Variants in RFFL observed in about 807,000 individuals in gnomAD.
RFFL encodes ring finger and FYVE like domain containing E3 ubiquitin protein ligase, also known as E3 ubiquitin-protein ligase rififylin.
In RFFL, 16 loss-of-function variants were observed where a neutral mutation model predicts 40.4. That is an observed-to-expected ratio of 0.40 (90% CI 0.27 to 0.60). RFFL has a LOEUF of 0.60. Among genes scored for constraint, RFFL ranks in the 20% least tolerant of loss-of-function variants. RFFL has a pLI of 0.47. For missense variants in RFFL, 367 were observed against 451.7 expected (o/e 0.81, Z 1.70); for synonymous variants, 154 against 167.9 (o/e 0.92, Z 0.64).
intron 1 of RFFL, among the ~76,000 whole-genome samples, chr17:35,059,731 T>G (rs9890959): frequency 0.025 from 3,826 of 152,284 alleles, 164 homozygotes; most frequent in African/African-American, 0.086. Flanking sequence ...TGAAGAATAA[T>G]TAATAAAAAT....
At chr17:35,053,457 A>T (rs1229245873) in intron 1 of RFFL, among the ~76,000 whole-genome samples, 1 of 152,204 alleles carries the variant, frequency 6.6e-6, no homozygotes, top group Non-Finnish European at 1.5e-5. Context: ...AGGTGACACA[A>T]CATCTTCTCT....
chr17:35,089,201 T>A (rs1009365230), exon 1 of RFFL: 1 of 151,906 alleles, frequency 6.6e-6, no homozygotes, highest in Non-Finnish European at 1.5e-5. Flanking sequence ...GGCTGCGGAC[T>A]CCGCCGCGGC....
chr17:35,017,467 G>A (rs1013628138), intron 4 of RFFL, 56 bp downstream of exon 4: 47 of 1,147,736 alleles, frequency 4.1e-5, no homozygotes, highest in Non-Finnish European at 4.9e-5. Context: ...AAGAGGTTCC[G>A]AAGAACACCA....
intron 1 of RFFL, chr17:35,036,264 G>A (rs1041730926): frequency 5.9e-5 from 9 of 152,150 alleles, no homozygotes; most frequent in Non-Finnish European, 1.3e-4. Context: ...ACTGAAAGTG[G>A]AACTAATTGT....
chr17:35,024,809 AC>A (rs1214932064), intron 2 of RFFL, among the ~76,000 whole-genome samples: 1 of 152,242 alleles, frequency 6.6e-6, no homozygotes, highest in Non-Finnish European at 1.5e-5. Flanking sequence ...ATGCTGATCC[AC>A]TTAAGCATGA....
At chr17:35,087,870 TAAA>T (rs1477416600) in intron 1 of RFFL, among the ~76,000 whole-genome samples, 1 of 152,198 alleles carries the variant, frequency 6.6e-6, no homozygotes, top group African/African-American at 2.4e-5. Flanking sequence ...GAGAAAAGGA[TAAA>T]GAAGTTGTCA....
chr17:35,077,302 T>C (rs1449718800), intron 1 of RFFL, among the ~76,000 whole-genome samples: 1 of 152,070 alleles, frequency 6.6e-6, no homozygotes, highest in Non-Finnish European at 1.5e-5. Context: ...TATCAAGTTC[T>C]TAAGATGTCC....
At chr17:35,024,515 G>A (rs1045662728) in intron 2 of RFFL, among the ~76,000 whole-genome samples, 1 of 152,184 alleles carries the variant, frequency 6.6e-6, no homozygotes, top group Non-Finnish European at 1.5e-5. Flanking sequence ...ATTACCAATA[G>A]AGATGGGGTA....
chr17:35,078,477 T>C (rs764310010), intron 1 of RFFL, among the ~76,000 whole-genome samples: 1 of 152,164 alleles, frequency 6.6e-6, no homozygotes, highest in Non-Finnish European at 1.5e-5. Context: ...TAATTTTTTG[T>C]ATTTTTTGGA....
chr17:35,006,749 T>C lies in RFFL; in HGVS notation c.*5219A>G, dbSNP rs2090897737. The C allele has an allele frequency of 6.6e-6, 1 of 152,224 alleles. No homozygotes were observed. The highest frequency in any genetic ancestry group is 2.4e-5 in the African/African-American group (1 of 41,432). The allele number at this position is 152,224 out of a possible 1,614,324, so 9.4% of individuals were successfully genotyped here. On this transcript the variant is annotated 3_prime_UTR_variant, in exon 7 of 7. Transcript: ENST00000394597. ...CTCTTGAGGGTCAGTTCTCACCTTA[T>C]GAACAAATTAACAGGCTCTGGACCT...
chr17:35,033,197 A>G (rs983339814), intron 1 of RFFL, among the ~76,000 whole-genome samples: 2 of 152,036 alleles, frequency 1.3e-5, no homozygotes, highest in African/African-American at 4.8e-5. Context: ...GAAGCTGACA[A>G]TAAATGATTG....
Position 35,006,534 on chromosome 17 carries a change from T to TAGTTATC in RFFL, c.*5427_*5433dup, listed in dbSNP as rs577727901. The TAGTTATC allele has an allele frequency of 2.2e-4, 34 of 152,354 alleles. No individual in the cohort carries two copies. The highest frequency in any genetic ancestry group is 3.4e-3 in the Middle Eastern group (1 of 294). The allele number at this position is 152,354 out of a possible 1,614,324, so 9.4% of individuals were successfully genotyped here. On this transcript the variant is annotated 3_prime_UTR_variant, in exon 7 of 7. Coordinates refer to ENST00000394597, the MANE Select transcript of RFFL (RefSeq NM_001017368.2). ...AGCACTTAGCCCAGAGCCTAGCACA[T>TAGTTATC]AGTTATCTAGAGTTGGGAACGTCAC...
intron 1 of RFFL, chr17:35,076,840 C>T (rs950230005): frequency 3.4e-5 from 8 of 235,792 alleles, no homozygotes; most frequent in East Asian, 2.1e-4. Flanking sequence ...TGCTGCCAAG[C>T]GCAAGAGGAA....
At chr17:35,045,189 A>G (rs2091191434) in intron 1 of RFFL, among the ~76,000 whole-genome samples, 2 of 151,958 alleles carry the variant, frequency 1.3e-5, no homozygotes, top group African/African-American at 2.4e-5. Context: ...AGAGCATTCT[A>G]GCAGTACTGT....
intron 1 of RFFL, among the ~76,000 whole-genome samples, chr17:35,037,804 C>G (rs1033036904): frequency 1.3e-5 from 2 of 152,114 alleles, no homozygotes; most frequent in African/African-American, 4.8e-5. Flanking sequence ...GTGGCCCATC[C>G]CCTCTGAGCT....
Position 35,021,509 on chromosome 17 carries a change from C to T in RFFL, c.453G>A (p.Leu151=). 2 of 1,605,244 alleles carry T rather than the reference C, an allele frequency of 1.2e-6. No individual in the cohort carries two copies. Among genetic ancestry groups the T allele is most frequent in the Non-Finnish European group, 1.7e-6 (2 of 1,175,796 alleles). Residue 151 remains leucine, a synonymous_variant, in exon 3 of 7, where the codon TTG becomes TTA. Coordinates refer to ENST00000394597, the MANE Select transcript of RFFL (RefSeq NM_001017368.2). ...SQEDRTRAST[L]SPDFPEQQAF... ...CCTGCTGCTCAGGAAAGTCTGGGGA[C>T]AAGGTGGAGGCACGAGTCCTGTCCT...
intron 1 of RFFL, among the ~76,000 whole-genome samples, chr17:35,055,258 C>T (rs2091254054): frequency 6.6e-6 from 1 of 152,050 alleles, no homozygotes; most frequent in African/African-American, 2.4e-5. Context: ...ATGTGTGATT[C>T]TTTCCTATGT....
chr17:35,038,498 C>A (rs1215066064), intron 1 of RFFL, among the ~76,000 whole-genome samples: 1 of 152,118 alleles, frequency 6.6e-6, no homozygotes, highest in Non-Finnish European at 1.5e-5. Context: ...CAGGAATATC[C>A]ATGGAAGCCC....
intron 1 of RFFL, among the ~76,000 whole-genome samples, chr17:35,028,289 C>A (rs914693119): frequency 6.6e-6 from 1 of 151,858 alleles, no homozygotes; most frequent in Admixed American, 6.6e-5. Flanking sequence ...GAGCCGAGAT[C>A]GTGCCACTGC....
Sources: allele counts gnomAD v4.1 joint callset (sites outside exome capture counted in the v4.1 genomes callset), GRCh38; gene constraint gnomAD v4.1.1; transcripts MANE v1.5; gene names NCBI Gene and HGNC (gene_info 2026-07-23, HGNC 2026-07-21).